RTN4: variants seen among roughly 807,000 people sequenced by gnomAD.
RTN4 encodes the protein reticulon-4.
In RTN4, 32 loss-of-function variants were observed where a neutral mutation model predicts 90.4. That is an observed-to-expected ratio of 0.35 (90% CI 0.27 to 0.48). The LOEUF (loss-of-function observed/expected upper bound fraction) is 0.48. Ranked by LOEUF, RTN4 falls within the 20% of genes least tolerant of loss-of-function variation. RTN4 has a pLI of 0.99. For synonymous variants in RTN4, 629 were observed against 552.5 expected, an observed-to-expected ratio of 1.14 and a Z score of -1.94; for missense variants, 1,706 against 1,430.2, an observed-to-expected ratio of 1.19 and a Z score of -3.11.
intron 3 of RTN4, among the ~76,000 whole-genome samples, chr2:55,015,838 T>C (rs1680993110): frequency 6.6e-6 from 1 of 152,196 alleles, no homozygotes; most frequent in South Asian, 2.1e-4. Context: ...AAAAATATTA[T>C]CTATCAAAAA....
Position 55,025,911 on chromosome 2 carries a change from C to G in RTN4, c.2188G>C (p.Asp730His). 2 of 1,613,198 alleles carry G rather than the reference C, an allele frequency of 1.2e-6. No individual in the cohort carries two copies. The highest frequency in any genetic ancestry group is 2.2e-5 in the South Asian group (2 of 90,854). The change falls in exon 3 of 9, where the codon GAT (aspartate) becomes CAT (histidine). Residue 730 changes from aspartate to histidine, a missense_variant. Asp to His is a moderately conservative substitution (Grantham distance 81). Coordinates refer to ENST00000337526, the MANE Select transcript of RTN4 (RefSeq NM_020532.5). The part of the protein sequence containing the change: ...EMAKVEQPVP[D>H]HSELVEDSSP... ...GAATCTTCAACTAGCTCAGAATGAT[C>G]AGGCACTGGCTGTTCAACTTTTGCC... is the stretch of plus-strand genomic sequence containing the variant.
chr2:54,996,147 G>A (rs1028727373), intron 3 of RTN4, among the ~76,000 whole-genome samples: 2 of 152,068 alleles, frequency 1.3e-5, no homozygotes, highest in South Asian at 4.1e-4. Context: ...GGAATACAGC[G>A]AAAAGAATTT....
chr2:55,045,108 T>A (rs189714455), intron 1 of RTN4, among the ~76,000 whole-genome samples: 35 of 152,276 alleles, frequency 2.3e-4, no homozygotes, highest in Non-Finnish European at 3.8e-4. Context: ...ATAAAAATGA[T>A]CATATAATAA....
chr2:55,028,514 T>C (rs554470817), intron 1 of RTN4, among the ~76,000 whole-genome samples: 1 of 152,328 alleles, frequency 6.6e-6, no homozygotes, highest in African/African-American at 2.4e-5. Context: ...TAAAATACTG[T>C]TCTACTTAAC....
intron 1 of RTN4, among the ~76,000 whole-genome samples, chr2:55,090,574 C>A (rs1456016179): frequency 6.6e-6 from 1 of 152,150 alleles, no homozygotes; most frequent in Non-Finnish European, 1.5e-5. Flanking sequence ...CCTCTATCCA[C>A]CTGGAAGTTT....
At chr2:55,043,947 G>A (rs1352194617) in intron 1 of RTN4, among the ~76,000 whole-genome samples, 1 of 151,960 alleles carries the variant, frequency 6.6e-6, no homozygotes, top group African/African-American at 2.4e-5. Context: ...GGTGGCTCAC[G>A]CCTGTAAACC....
At chr2:54,999,001 T>C (rs1679660162) in intron 3 of RTN4, among the ~76,000 whole-genome samples, 1 of 152,174 alleles carries the variant, frequency 6.6e-6, no homozygotes, top group Non-Finnish European at 1.5e-5. Context: ...AAACATCCTT[T>C]CAAAGATCTG....
At chr2:55,081,976 C>T (rs1668729782) in intron 1 of RTN4, among the ~76,000 whole-genome samples, 1 of 151,770 alleles carries the variant, frequency 6.6e-6, no homozygotes, top group Non-Finnish European at 1.5e-5. Context: ...TTACATACTT[C>T]TGCTTTTTTC....
chr2:55,077,277 T>G (rs1358146854), intron 2 of RTN4, among the ~76,000 whole-genome samples: 1 of 152,154 alleles, frequency 6.6e-6, no homozygotes, highest in Non-Finnish European at 1.5e-5. Context: ...CCTCCCAAAG[T>G]GCTGGGATTA....
intron 3 of RTN4, among the ~76,000 whole-genome samples, 154 bp downstream of exon 3, chr2:55,024,932 G>A (rs973306409): frequency 6.6e-6 from 1 of 152,124 alleles, no homozygotes; most frequent in Non-Finnish European, 1.5e-5. Flanking sequence ...GTTAGAAAAA[G>A]CACTAAAACC....
chr2:55,074,176 C>T (rs1457182069), intron 2 of RTN4, among the ~76,000 whole-genome samples: 9 of 152,150 alleles, frequency 5.9e-5, no homozygotes, highest in African/African-American at 2.2e-4. Context: ...GGTAGTGACT[C>T]TGAAGCTAGG....
chr2:55,026,725 T>A lies in RTN4; in HGVS notation c.1374A>T (p.Ser458=). The A allele has an allele frequency of 6.2e-7, 1 of 1,613,904 alleles. No individual in the cohort carries two copies. The highest frequency in any genetic ancestry group is 2.2e-5 in the East Asian group (1 of 44,876). ...AGGGAGCACATGTGATATATGCTCCTGAACGATCCTTTATACCTTCTGGCG... is the reference window on the plus strand; with the variant it reads ...AGGGAGCACATGTGATATATGCTCCAGAACGATCCTTTATACCTTCTGGCG... The part of the protein sequence containing the change: ...PSTPEGIKDR[S]GAYITCAPFN... The change falls in exon 3 of 9, where the codon TCA becomes TCT. Residue 458 remains serine, a synonymous_variant. Transcript: ENST00000337526.
chr2:55,098,558 T>A (rs1667793822), intron 1 of RTN4, among the ~76,000 whole-genome samples: 2 of 151,622 alleles, frequency 1.3e-5, no homozygotes, highest in South Asian at 4.2e-4. Context: ...AAGAGAAGAG[T>A]TTTTTAAAAC....
intron 1 of RTN4, among the ~76,000 whole-genome samples, chr2:55,110,586 T>G (rs1487081505): frequency 6.6e-6 from 1 of 152,138 alleles, no homozygotes; most frequent in Admixed American, 6.6e-5. Context: ...TGGTTACTTA[T>G]CAATAATGCA....
At chr2:55,002,204 G>A (rs895558528) in intron 3 of RTN4, among the ~76,000 whole-genome samples, 2 of 151,942 alleles carry the variant, frequency 1.3e-5, no homozygotes, top group East Asian at 3.9e-4. Flanking sequence ...GACCATAGGC[G>A]TGCACCACCA....
rs201853000 is a variant in RTN4 at position 55,025,717 on chromosome 2, C to G, written c.2382G>C (p.Glu794Asp). The change falls in exon 3 of 9, where the codon GAG (glutamate) becomes GAC (aspartate). Residue 794 changes from glutamate (E) to aspartate (D), a missense_variant. Coordinates refer to ENST00000337526, the MANE Select transcript of RTN4 (RefSeq NM_020532.5). Reference protein sequence around the residue: ...NKEKLSALPPEGGKPYLESFK... With the variant: ...NKEKLSALPPDGGKPYLESFK... ...AAGATTCCAAATATGGCTTTCCTCCCTCAGGTGGCAAAGCACTGAGTTTTT... is the reference window on the plus strand; with the variant it reads ...AAGATTCCAAATATGGCTTTCCTCCGTCAGGTGGCAAAGCACTGAGTTTTT... 27 of 1,613,784 alleles carry G rather than the reference C, an allele frequency of 1.7e-5. No homozygotes were observed. Among genetic ancestry groups the G allele is most frequent in the Non-Finnish European group, 2.3e-5 (27 of 1,179,838 alleles).
chr2:55,050,146 A>T lies in RTN4; in HGVS notation c.155T>A (p.Leu52Gln). ...GGCGGGCTTCCTCTCCAGCACCTCC[A>T]GCTCCTCCAGGTCTTCGTCCTCGTC... Reference protein sequence around the residue: ...EEDEDEDLEELEVLERKPAAG... With the variant: ...EEDEDEDLEEQEVLERKPAAG... The change falls in exon 1 of 9, where the codon CTG (leucine) becomes CAG (glutamine). Residue 52 changes from leucine (L) to glutamine (Q), a missense_variant. Coordinates refer to ENST00000337526, the MANE Select transcript of RTN4 (RefSeq NM_020532.5). This position sits in a 1 kb window ranked among gnomAD's most constrained non-coding sequence, Gnocchi z 4.6. 6.4e-7 allele frequency: 1 copy of T among 1,554,922 alleles called. No individual in the cohort carries two copies. The highest frequency in any genetic ancestry group is 8.6e-7 in the Non-Finnish European group (1 of 1,158,544).
intron 3 of RTN4, among the ~76,000 whole-genome samples, chr2:54,991,312 C>T (rs1226115430): frequency 6.6e-6 from 1 of 152,174 alleles, no homozygotes; most frequent in Non-Finnish European, 1.5e-5. Context: ...AATGTCTAAT[C>T]AAACTTCCTA....
At chr2:54,977,483 A>G (rs1677734261) in intron 5 of RTN4, among the ~76,000 whole-genome samples, 1 of 151,816 alleles carries the variant, frequency 6.6e-6, no homozygotes, top group Non-Finnish European at 1.5e-5. Context: ...TCAATTACAG[A>G]AAAGTAAGAA....
Sources: gnomAD v4.1 joint callset for allele counts (sites outside exome capture counted in the v4.1 genomes callset) on GRCh38, gnomAD v4.1.1 for gene constraint, Gnocchi (gnomAD v3.1) non-coding constraint, MANE v1.5 for transcripts, NCBI Gene and HGNC (gene_info 2026-07-23, HGNC 2026-07-21) for gene names.